TEKT5: variants seen among roughly 807,000 people sequenced by gnomAD.
The protein encoded by TEKT5 is tektin 5.
A neutral mutation model predicts 48.7 loss-of-function variants in TEKT5; 52 were observed. The ratio of observed to expected loss-of-function variants is 1.07; its 90% CI spans 0.86 to 1.35. The LOEUF (loss-of-function observed/expected upper bound fraction) is 1.35, where lower values mean the gene tolerates loss of function less well. Among genes scored for constraint, TEKT5 ranks in the 40% most tolerant of loss-of-function variants. The pLI, the probability that TEKT5 is intolerant of heterozygous loss-of-function variation, is 0.00. For synonymous variants in TEKT5, 318 were observed against 267.6 expected (o/e 1.19, Z -1.84); for missense variants, 831 against 641.6 (o/e 1.30, Z -3.19).
chr16:10,679,020 G>C (rs976300570), intron 4 of TEKT5, among the ~76,000 whole-genome samples: 1 of 152,252 alleles, frequency 6.6e-6, no homozygotes, highest in South Asian at 2.1e-4. Context: ...TCACAGCTCT[G>C]CCATTTGCTG....
intron 5 of TEKT5, among the ~76,000 whole-genome samples, chr16:10,675,711 C>T (rs1199141394): frequency 3.9e-5 from 6 of 152,172 alleles, no homozygotes; most frequent in Non-Finnish European, 7.3e-5. Context: ...AGTGTCACAG[C>T]CTCTTGGGCA....
At chr16:10,667,588 T>G (rs1012863170) in intron 5 of TEKT5, among the ~76,000 whole-genome samples, 1 of 152,240 alleles carries the variant, frequency 6.6e-6, no homozygotes, top group Non-Finnish European at 1.5e-5. Context: ...GGCTGCCCAA[T>G]TCACGAATCA....
chr16:10,667,880 AT>A lies in TEKT5; in HGVS notation c.1086+8078del, dbSNP rs59048654. Among the ~76,000 whole-genome samples the A allele has an allele frequency of 0.036, 2,442 of 67,214 alleles. 124 individuals carry two copies. In the East Asian group the frequency reaches 0.42, roughly 12 times the overall value. The allele number at this position is 67,214 out of a possible 152,430, so 44.1% of individuals were successfully genotyped here. A position where few individuals can be genotyped will look rare whatever the true frequency, so the allele number is the denominator to read the frequency against. ...GCAAAATGGGAAAAATAAGTTAATA[AT>A]TTTTTTTTTTTTTTGAGATGGAGAC... On this transcript the variant is annotated intron_variant, in intron 5 of 6. Transcript: ENST00000283025.
intron 5 of TEKT5, among the ~76,000 whole-genome samples, chr16:10,658,565 T>C (rs147968863): frequency 6.6e-6 from 1 of 151,828 alleles, no homozygotes; most frequent in Non-Finnish European, 1.5e-5. Flanking sequence ...GTGATAGAAG[T>C]AAGAATGATA....
chr16:10,661,792 G>C (rs1233526914), intron 5 of TEKT5, among the ~76,000 whole-genome samples: 2 of 152,214 alleles, frequency 1.3e-5, no homozygotes, highest in East Asian at 3.9e-4. Flanking sequence ...CCAAGCATGT[G>C]GCCTTGGCAA....
chr16:10,639,467 GACCTAT>G (rs1897960938), intron 5 of TEKT5, among the ~76,000 whole-genome samples: 1 of 145,544 alleles, frequency 6.9e-6, no homozygotes. Flanking sequence ...ATACCTAAAA[GACCTAT>G]ACCTATAAGA....
intron 5 of TEKT5, among the ~76,000 whole-genome samples, chr16:10,655,584 T>G (rs1054218101): frequency 6.6e-6 from 1 of 152,204 alleles, no homozygotes; most frequent in Admixed American, 6.5e-5. Flanking sequence ...TATAAAAGAC[T>G]ACATTTTCCA....
intron 5 of TEKT5, among the ~76,000 whole-genome samples, chr16:10,664,638 GGCACT>G (rs2142290041): frequency 6.6e-6 from 1 of 152,348 alleles, no homozygotes; most frequent in East Asian, 1.9e-4. Flanking sequence ...ATTCCAATGT[GGCACT>G]AAGGCTGAGA....
At chr16:10,649,432 T>A (rs1376050786) in intron 5 of TEKT5, among the ~76,000 whole-genome samples, 5 of 151,700 alleles carry the variant, frequency 3.3e-5, no homozygotes, top group Non-Finnish European at 7.4e-5. Flanking sequence ...AAATTATTAT[T>A]TTTTTAATTT....
At chr16:10,659,462 C>T (rs1353818872) in intron 5 of TEKT5, among the ~76,000 whole-genome samples, 3 of 152,196 alleles carry the variant, frequency 2.0e-5, no homozygotes, top group Non-Finnish European at 4.4e-5. Flanking sequence ...TCACTGCAAG[C>T]TCTGCCTCCC....
chr16:10,652,410 C>A (rs995693910), intron 5 of TEKT5, among the ~76,000 whole-genome samples: 3 of 150,922 alleles, frequency 2.0e-5, no homozygotes, highest in African/African-American at 7.3e-5. Context: ...CACACACACA[C>A]CCTCCAGGCC....
intron 6 of TEKT5, among the ~76,000 whole-genome samples, chr16:10,634,494 T>A (rs1313361811): frequency 1.3e-5 from 2 of 152,068 alleles, no homozygotes; most frequent in African/African-American, 4.8e-5. Flanking sequence ...CCAGACTCAG[T>A]CTCTTCCCCC....
chr16:10,651,628 T>C (rs1271368551), intron 5 of TEKT5, among the ~76,000 whole-genome samples: 1 of 152,230 alleles, frequency 6.6e-6, no homozygotes, highest in Non-Finnish European at 1.5e-5. Flanking sequence ...ACTGGCTCCC[T>C]GGATGGATAA....
At chr16:10,652,199 A>C (rs1168389568) in intron 5 of TEKT5, among the ~76,000 whole-genome samples, 1 of 152,078 alleles carries the variant, frequency 6.6e-6, no homozygotes, top group Non-Finnish European at 1.5e-5. Context: ...CTTAGCAAGT[A>C]TGGAACCCCT....
chr16:10,667,223 A>C (rs1403187878), intron 5 of TEKT5, among the ~76,000 whole-genome samples: 1 of 152,058 alleles, frequency 6.6e-6, no homozygotes, highest in Non-Finnish European at 1.5e-5. Flanking sequence ...GGCTCAAGCT[A>C]TCCTCCCACT....
chr16:10,640,430 T>A (rs76683267), intron 5 of TEKT5, among the ~76,000 whole-genome samples: 3,399 of 152,280 alleles, frequency 0.022, 132 homozygotes, highest in African/African-American at 0.078. Context: ...CGTGACTTTT[T>A]AAAAAATAGA....
At chr16:10,669,348 A>G (rs1898515943) in intron 5 of TEKT5, among the ~76,000 whole-genome samples, 1 of 151,600 alleles carries the variant, frequency 6.6e-6, no homozygotes, top group African/African-American at 2.4e-5. Context: ...AATCCCAGCT[A>G]CTCGGAAAGC....
chr16:10,646,844 A>C (rs1024819381), intron 5 of TEKT5, among the ~76,000 whole-genome samples: 6 of 152,206 alleles, frequency 3.9e-5, no homozygotes, highest in African/African-American at 1.4e-4. Context: ...ACGCTGGTTA[A>C]ACATTATCCC....
chr16:10,632,304 A>C (rs11647216), intron 6 of TEKT5, among the ~76,000 whole-genome samples: 2 of 151,086 alleles, frequency 1.3e-5, no homozygotes, highest in Non-Finnish European at 3.0e-5. Flanking sequence ...AATTCAGTTT[A>C]TGGTTTTTTT....
Sources: gnomAD v4.1 joint callset for allele counts (sites outside exome capture counted in the v4.1 genomes callset) on GRCh38, gnomAD v4.1.1 for gene constraint, MANE v1.5 for transcripts, NCBI Gene and HGNC (gene_info 2026-07-23, HGNC 2026-07-21) for gene names.